TNKS2: variants seen among roughly 807,000 people sequenced by gnomAD.
TNKS2 encodes tankyrase 2.
Under a neutral mutation model 137.6 loss-of-function variants are expected in TNKS2, and 72 were observed. The ratio of observed to expected loss-of-function variants is 0.52; its 90% CI spans 0.43 to 0.64. The LOEUF (loss-of-function observed/expected upper bound fraction) is 0.64, where lower values mean the gene tolerates loss of function less well. TNKS2 is among the 30% of genes least tolerant of loss of function. The pLI, the probability that TNKS2 is intolerant of heterozygous loss-of-function variation, is 0.00. For missense variants in TNKS2, 1,049 were observed against 1,410.2 expected (o/e 0.74, Z 4.10); for synonymous variants, 516 against 512.1 (o/e 1.01, Z -0.10).
At chr10:91,809,388 T>C (rs1844426874) in intron 1 of TNKS2, among the ~76,000 whole-genome samples, 2 of 152,102 alleles carry the variant, frequency 1.3e-5, no homozygotes, top group Admixed American at 6.5e-5. Flanking sequence ...TCATCTGGGC[T>C]GGGCGCGGTG....
rs1244434462 is a variant in TNKS2, at chr10:91,802,598, A to G, written c.199+3709A>G. The stretch of plus-strand genomic sequence containing the variant: ...TACAAGAAAGTGGGATGATTCCTCC[A>G]ATTGAAGGCTTTAGCTGCTCAGCTA... On this transcript the variant is annotated intron_variant, in intron 1 of 26. Coordinates refer to ENST00000371627, the MANE Select transcript of TNKS2 (RefSeq NM_025235.4). Among the ~76,000 whole-genome samples the G allele has an allele frequency of 2.6e-5, 4 of 152,360 alleles. No homozygotes were observed. The East Asian group carries it at 7.7e-4, about 29-fold the overall frequency.
chr10:91,815,106 G>T (rs558463494), intron 2 of TNKS2, among the ~76,000 whole-genome samples: 1 of 151,218 alleles, frequency 6.6e-6, no homozygotes, highest in Non-Finnish European at 1.5e-5. Context: ...CAGATTCAAG[G>T]ATTTTGGACT....
At chr10:91,827,867 T>C (rs555832557) in intron 8 of TNKS2, among the ~76,000 whole-genome samples, 5 of 152,304 alleles carry the variant, frequency 3.3e-5, no homozygotes, top group African/African-American at 1.2e-4. Flanking sequence ...AGTTCCCTGA[T>C]GGTTTGAGCA....
intron 1 of TNKS2, among the ~76,000 whole-genome samples, chr10:91,806,197 A>T (rs1844322602): frequency 6.6e-6 from 1 of 152,186 alleles, no homozygotes; most frequent in African/African-American, 2.4e-5. Context: ...TAGTGCCTTC[A>T]TTTCATTCTT....
chr10:91,824,635 C>G (rs534441075), intron 7 of TNKS2, among the ~76,000 whole-genome samples: 1 of 152,108 alleles, frequency 6.6e-6, no homozygotes, highest in Non-Finnish European at 1.5e-5. Context: ...TTGTGGTGCA[C>G]ACTTCTATGG....
chr10:91,830,451 C>A (rs536340289), intron 9 of TNKS2, among the ~76,000 whole-genome samples: 1 of 152,310 alleles, frequency 6.6e-6, no homozygotes, highest in African/African-American at 2.4e-5. Context: ...CTCCTGACCT[C>A]AGGTGACCCG....
At chr10:91,839,520 G>A (rs1247785617) in intron 13 of TNKS2, among the ~76,000 whole-genome samples, 1 of 151,868 alleles carries the variant, frequency 6.6e-6, no homozygotes, top group Non-Finnish European at 1.5e-5. Context: ...TCAAACTCCT[G>A]ACCTCAAGTG....
chr10:91,826,509 T>C (rs183711592), intron 7 of TNKS2, among the ~76,000 whole-genome samples: 11 of 152,322 alleles, frequency 7.2e-5, no homozygotes, highest in African/African-American at 2.6e-4. Context: ...ACGAAGTACA[T>C]ACGTTAGAAA....
In TNKS2 at chr10:91,845,829, G is replaced by A. The variant is rs764986754; in HGVS notation, c.2247G>A (p.Leu749=). 1.2e-6 allele frequency: 2 copies of A among 1,609,496 alleles called. No homozygotes were observed. The highest frequency in any genetic ancestry group is 3.3e-5 in the Admixed American group (2 of 59,896). ...CGGACAAATGGGCTTTCACACCTTT[G>A]CACGAAGCAGCCCAAAAGGGACGAA... ...NATDKWAFTP[L]HEAAQKGRTQ... Residue 749 remains leucine (L), a synonymous_variant, in exon 18 of 27, where the codon TTG becomes TTA. Coordinates refer to ENST00000371627, the MANE Select transcript of TNKS2 (RefSeq NM_025235.4).
At chr10:91,815,444 CT>C (rs1444227627) in intron 2 of TNKS2, among the ~76,000 whole-genome samples, 1 of 151,032 alleles carries the variant, frequency 6.6e-6, no homozygotes, top group African/African-American at 2.4e-5. Context: ...ACCTCAGAAT[CT>C]TAGACATATA....
chr10:91,819,719 T>C (rs141103839), intron 5 of TNKS2, among the ~76,000 whole-genome samples, 162 bp downstream of exon 5: 97 of 152,368 alleles, frequency 6.4e-4, no homozygotes, highest in African/African-American at 2.3e-3. Context: ...TAAAACTTTA[T>C]TGATGATAAA....
intron 12 of TNKS2, among the ~76,000 whole-genome samples, chr10:91,835,732 A>G (rs940835039): frequency 4.0e-5 from 6 of 150,016 alleles, no homozygotes; most frequent in Non-Finnish European, 5.9e-5. Context: ...GGTTCAAGTG[A>G]TTCTCGTGCC....
At chr10:91,821,575 G>A (rs1043058095) in intron 6 of TNKS2, among the ~76,000 whole-genome samples, 1 of 152,134 alleles carries the variant, frequency 6.6e-6, no homozygotes, top group African/African-American at 2.4e-5. Context: ...AAACGAGAAG[G>A]AAAAGCTTCA....
intron 9 of TNKS2, among the ~76,000 whole-genome samples, chr10:91,828,865 C>T (rs1845148163): frequency 6.6e-6 from 1 of 151,942 alleles, no homozygotes; most frequent in African/African-American, 2.4e-5. Context: ...GGTTACTTCC[C>T]TGATAGGGGT....
chr10:91,844,444 T>C, intron 16 of TNKS2, among the ~76,000 whole-genome samples: 1 of 152,174 alleles, frequency 6.6e-6, no homozygotes, highest in East Asian at 1.9e-4. Context: ...CAAAAAAGCA[T>C]GCTCTTGTGG....
chr10:91,836,940 C>T lies in TNKS2; in HGVS notation c.1469C>T (p.Ser490Leu). ...TTAGAGGGTATCTCATTAGGTAATT[C>T]AGAGGCAGACAGACAATTGCTGGAA... ...LLQEGISLGN[S>L]EADRQLLEAA... Residue 490 changes from serine (S) to leucine (L), a missense_variant, in exon 13 of 27, where the codon TCA becomes TTA. Ser to Leu is a moderately radical substitution (Grantham distance 145). Around this residue, in one of 6 missense-constraint regions of TNKS2, gnomAD observed 328 missense variants for 436.0 expected, o/e 0.75. Transcript: ENST00000371627. 6.2e-7 allele frequency: 1 copy of T among 1,613,170 alleles called. No homozygotes were observed. The highest frequency in any genetic ancestry group is 1.7e-5 in the Admixed American group (1 of 59,932).
rs905186631 is a variant in TNKS2, at chr10:91,858,288, CAT to C, written c.3094+759_3094+760del. Among the ~76,000 whole-genome samples the C allele has an allele frequency of 3.3e-5, 5 of 152,138 alleles. 1 individual carries two copies. Among genetic ancestry groups the C allele is most frequent in the African/African-American group, 1.2e-4 (5 of 41,420 alleles). On this transcript the variant is annotated intron_variant, in intron 24 of 26. Transcript: ENST00000371627. Reference sequence around the variant, plus strand: ...AATGGATTCATGTGCAGAATCTAAACATGTTGCACTCCTTATTCCAAAACCCT... The same window carrying C: ...AATGGATTCATGTGCAGAATCTAAACGTTGCACTCCTTATTCCAAAACCCT...
chr10:91,825,097 T>G (rs1226694335), intron 7 of TNKS2, among the ~76,000 whole-genome samples: 10 of 152,048 alleles, frequency 6.6e-5, no homozygotes, highest in Admixed American at 6.6e-4. Flanking sequence ...TGGTTTTTTT[T>G]GTTTTGTTTT....
At position 91,855,077 on chromosome 10, in the gene TNKS2, TTA is replaced by T. The variant is rs747971206; in HGVS notation, c.2867_2868del (p.Ile956ArgfsTer5). The T allele has an allele frequency of 3.1e-6, 5 of 1,612,440 alleles. No individual in the cohort carries two copies. The highest frequency in any genetic ancestry group is 8.5e-7 in the Non-Finnish European group (1 of 1,178,768). Reference sequence around the variant, plus strand: ...AACACCTCTGGTAGTGGAACAATTCTTATAGATCTGTCTCCTGATGATAAAGA... The same window carrying T: ...AACACCTCTGGTAGTGGAACAATTCTTAGATCTGTCTCCTGATGATAAAGA... On this transcript the variant is annotated frameshift_variant, in exon 22 of 27. Coordinates refer to ENST00000371627, the MANE Select transcript of TNKS2 (RefSeq NM_025235.4). LOFTEE classifies it high-confidence loss of function.
Sources: gnomAD v4.1 joint callset for allele counts (sites outside exome capture counted in the v4.1 genomes callset) on GRCh38, gnomAD v4.1.1 for gene constraint, gnomAD v4.1.1 regional missense constraint, MANE v1.5 for transcripts, NCBI Gene and HGNC (gene_info 2026-07-23, HGNC 2026-07-21) for gene names.